Variants in FRMPD3 observed in about 807,000 individuals in gnomAD.
FRMPD3 encodes FERM and PDZ domain-containing protein 3.
In FRMPD3, 42 loss-of-function variants were observed where a neutral mutation model predicts 97.9. The ratio of observed to expected loss-of-function variants is 0.43; its 90% CI spans 0.34 to 0.55. The LOEUF (loss-of-function observed/expected upper bound fraction) is 0.55. Among genes scored for constraint, FRMPD3 ranks in the 20% least tolerant of loss-of-function variants. The pLI is 0.03. For missense variants in FRMPD3, 1,303 were observed against 1,457.7 expected, an observed-to-expected ratio of 0.89 and a Z score of 1.73; for synonymous variants, 577 against 581.1, an observed-to-expected ratio of 0.99 and a Z score of 0.10.
At position 107,525,767 on chromosome X, in the gene FRMPD3, A is replaced by T. The variant is rs1922668908; in HGVS notation, c.-7-815A>T. 9 of 489,108 alleles carry T rather than the reference A, an allele frequency of 1.8e-5. No homozygotes were observed. The Admixed American group carries it at 2.4e-4, about 13-fold the overall frequency. 40.3% of individuals were successfully genotyped at this position (489,108 alleles called of 1,213,427 possible). A position where few individuals can be genotyped will look rare whatever the true frequency, so the allele number is the denominator to read the frequency against. On this transcript the variant is annotated intron_variant, in intron 1 of 14. Coordinates refer to ENST00000683843, the MANE Select transcript of FRMPD3 (RefSeq NM_001388459.1). ...TATTTTTGTATACAACTTAAGATGT[A>T]TTCAAGTTTAAAATTGCATCAAGAT...
chrX:107,574,460 T>C lies in FRMPD3; in HGVS notation c.1297-1855T>C, dbSNP rs1471988943. On this transcript the variant is annotated intron_variant, in intron 12 of 14. Transcript: ENST00000683843. Reference sequence around the variant, plus strand: ...TTCCACACTATGTACAATGGCAGAGTTGTTGTGACAGAGCCCGTATGGCCC... The same window carrying C: ...TTCCACACTATGTACAATGGCAGAGCTGTTGTGACAGAGCCCGTATGGCCC... 2.7e-5 allele frequency among the ~76,000 whole-genome samples: 3 copies of C among 111,886 alleles called. No individual in the cohort carries two copies. In the Admixed American group the frequency reaches 2.8e-4, roughly 11 times the overall value.
At chrX:107,504,993 G>A (rs1921996223) in intron 1 of FRMPD3, among the ~76,000 whole-genome samples, 1 of 112,431 alleles carries the variant, frequency 8.9e-6, no homozygotes, top group Admixed American at 9.4e-5. Context: ...TGCTGAGGGA[G>A]AACGGTATTT....
chrX:107,557,841 A>ATATATATG (rs1922170355), intron 8 of FRMPD3, among the ~76,000 whole-genome samples: 2 of 62,081 alleles, frequency 3.2e-5, no homozygotes, highest in East Asian at 4.4e-4. Flanking sequence ...ATATATATAT[A>ATATATATG]GATCTATTCC....
At chrX:107,508,276 C>T (rs1922081644) in intron 1 of FRMPD3, among the ~76,000 whole-genome samples, 1 of 111,915 alleles carries the variant, frequency 8.9e-6, no homozygotes, top group Non-Finnish European at 1.9e-5. Context: ...AAGTCATGGC[C>T]CAGGTGCAAA....
intron 13 of FRMPD3, among the ~76,000 whole-genome samples, chrX:107,586,711 G>T (rs1602852281): frequency 9.0e-6 from 1 of 111,678 alleles, no homozygotes; most frequent in East Asian, 2.8e-4. Context: ...TATTTACCCA[G>T]GAGTCACTCA....
intron 1 of FRMPD3, among the ~76,000 whole-genome samples, chrX:107,497,550 A>G (rs991407521): frequency 8.9e-6 from 1 of 112,210 alleles, no homozygotes; most frequent in Non-Finnish European, 1.9e-5. Flanking sequence ...GCAGACTGGC[A>G]TCTGTCAGCT....
intron 4 of FRMPD3, among the ~76,000 whole-genome samples, chrX:107,537,831 T>C (rs965557751): frequency 1.8e-5 from 2 of 111,979 alleles, no homozygotes; most frequent in African/African-American, 6.5e-5. Flanking sequence ...CAAAAATTTA[T>C]TTATAACCCC....
At chrX:107,453,891 G>A (rs1931332925) in intron 1 of FRMPD3, among the ~76,000 whole-genome samples, 1 of 112,174 alleles carries the variant, frequency 8.9e-6, no homozygotes. Context: ...GCCTGGAAAT[G>A]GGAATATGTG....
chrX:107,583,004 T>A (rs1923465910), intron 13 of FRMPD3, among the ~76,000 whole-genome samples: 1 of 112,525 alleles, frequency 8.9e-6, no homozygotes, highest in East Asian at 2.8e-4. Context: ...GAGCAGAGAA[T>A]ATATTCCAAT....
chrX:107,597,737 C>G lies in FRMPD3; in HGVS notation c.1858C>G (p.Gln620Glu), dbSNP rs766697406. The part of the protein sequence containing the change: ...FYCDSCKAKL[Q>E]EQLGPRKGGK... The stretch of plus-strand genomic sequence containing the variant: ...CTGTGACTCTTGCAAAGCCAAACTT[C>G]AGGAGCAGCTGGGCCCTCGCAAAGG... The change falls in exon 14 of 15, where the codon CAG becomes GAG. Residue 620 changes from glutamine (Q) to glutamate (E), a missense_variant. Coordinates refer to ENST00000683843, the MANE Select transcript of FRMPD3 (RefSeq NM_001388459.1). The G allele has an allele frequency of 5.0e-6, 6 of 1,200,846 alleles. No individual in the cohort carries two copies. In the Admixed American group the frequency reaches 1.1e-4, roughly 23 times the overall value.
intron 1 of FRMPD3, among the ~76,000 whole-genome samples, chrX:107,485,988 C>CCGCGA (rs1274900636): frequency 8.9e-6 from 1 of 112,274 alleles, no homozygotes; most frequent in African/African-American, 3.2e-5. Context: ...TCTTCTCTGG[C>CCGCGA]CGCGACTAAA....
At chrX:107,533,399 C>G in intron 3 of FRMPD3, 106 bp from the exon 4 acceptor site, 3 of 682,216 alleles carry the variant, frequency 4.4e-6, no homozygotes, top group Admixed American at 4.8e-5. Flanking sequence ...CTATCCTAAT[C>G]CATATACCTG....
intron 4 of FRMPD3, among the ~76,000 whole-genome samples, chrX:107,535,473 C>A (rs1364558293): frequency 9.1e-6 from 1 of 109,393 alleles, no homozygotes; most frequent in Admixed American, 9.8e-5. Context: ...AGTTCGAGAC[C>A]AGCCTGGCCA....
At chrX:107,470,034 T>C (rs1382510319) in intron 1 of FRMPD3, among the ~76,000 whole-genome samples, 1 of 111,909 alleles carries the variant, frequency 8.9e-6, no homozygotes, top group Non-Finnish European at 1.9e-5. Flanking sequence ...TGTTCATTAG[T>C]AGCAATCTGA....
At chrX:107,527,407 G>A (rs1201987452) in intron 2 of FRMPD3, among the ~76,000 whole-genome samples, 1 of 112,354 alleles carries the variant, frequency 8.9e-6, no homozygotes, top group Non-Finnish European at 1.9e-5. Flanking sequence ...GGAAACTGAG[G>A]CATAATGAAA....
chrX:107,533,882 C>T (rs1923098995), intron 4 of FRMPD3, among the ~76,000 whole-genome samples: 1 of 112,325 alleles, frequency 8.9e-6, no homozygotes, highest in African/African-American at 3.2e-5. Flanking sequence ...TGTGAACTCT[C>T]ATAAAGTCCT....
chrX:107,575,224 T>C (rs775132844), intron 12 of FRMPD3, among the ~76,000 whole-genome samples: 1 of 112,145 alleles, frequency 8.9e-6, no homozygotes, highest in South Asian at 3.7e-4. Context: ...AATAGATCTT[T>C]GTGGTCTAAT....
chrX:107,600,474 A>G lies in FRMPD3; in HGVS notation c.2435A>G (p.Lys812Arg). 1 of 1,210,903 alleles carries G rather than the reference A, an allele frequency of 8.3e-7. No individual in the cohort carries two copies. The highest frequency in any genetic ancestry group is 1.7e-5 in the African/African-American group (1 of 57,851). ...HLNKDSLLAR[K>R]DLPFRIQSCA... The stretch of plus-strand genomic sequence containing the variant: ...AACAAGGACAGCCTCCTTGCCCGCA[A>G]GGACCTGCCCTTCCGGATCCAGAGC... The change falls in exon 15 of 15, where the codon AAG (lysine) becomes AGG (arginine). Residue 812 changes from lysine (K) to arginine (R), a missense_variant. This residue lies in a region of FRMPD3 where 764 missense variants were observed against 820.2 expected (regional missense o/e 0.93). Transcript: ENST00000683843.
chrX:107,590,902 T>A lies in FRMPD3; in HGVS notation c.1442-6419T>A, dbSNP rs186110619. On this transcript the variant is annotated intron_variant, in intron 13 of 14. Coordinates refer to ENST00000683843, the MANE Select transcript of FRMPD3 (RefSeq NM_001388459.1). Reference sequence around the variant, plus strand: ...TTTTGGTATCAAGGTAGTACTGGCCTCATACAATGAGTTAAGAAGTGTTCT... The same window carrying A: ...TTTTGGTATCAAGGTAGTACTGGCCACATACAATGAGTTAAGAAGTGTTCT... Among the ~76,000 whole-genome samples the A allele has an allele frequency of 4.5e-5, 5 of 112,234 alleles. No homozygotes were observed. In the East Asian group the frequency reaches 1.1e-3, roughly 25 times the overall value.
Sources: allele counts gnomAD v4.1 joint callset (sites outside exome capture counted in the v4.1 genomes callset), GRCh38; gene constraint gnomAD v4.1.1; regional missense constraint gnomAD v4.1.1; transcripts MANE v1.5; gene names NCBI Gene and HGNC (gene_info 2026-07-23, HGNC 2026-07-21).